Variants in RCAN1 observed in about 807,000 individuals in gnomAD.
RCAN1 encodes the protein regulator of calcineurin 1, also known as calcipressin-1.
In RCAN1, 11 loss-of-function variants were observed where a neutral mutation model predicts 22.9. The observed-to-expected ratio is 0.48, with a 90% CI of 0.30 to 0.79. RCAN1 has a LOEUF of 0.79. RCAN1 is among the 30% of genes least tolerant of loss of function. RCAN1 has a pLI of 0.06. For missense variants in RCAN1, 291 were observed against 337.8 expected (o/e 0.86, Z 1.09); for synonymous variants, 136 against 142.3 (o/e 0.96, Z 0.32).
chr21:34,604,620 T>C (rs890212156), intron 1 of RCAN1, among the ~76,000 whole-genome samples: 1 of 152,234 alleles, frequency 6.6e-6, no homozygotes. Context: ...TAGAATCACA[T>C]TGAAGAAATG....
intron 1 of RCAN1, among the ~76,000 whole-genome samples, chr21:34,570,074 A>C (rs190053482): frequency 1.7e-4 from 26 of 152,370 alleles, no homozygotes; most frequent in Non-Finnish European, 3.1e-4. Context: ...GGGAGGGCCC[A>C]GGCCCAAGCT....
chr21:34,557,995 T>G (rs77101954), intron 1 of RCAN1, among the ~76,000 whole-genome samples: 2 of 152,152 alleles, frequency 1.3e-5, no homozygotes, highest in African/African-American at 4.8e-5. Flanking sequence ...AAAGTGACAA[T>G]GAAATTGTAC....
chr21:34,532,316 G>A (rs1411056155), intron 1 of RCAN1, among the ~76,000 whole-genome samples: 1 of 152,162 alleles, frequency 6.6e-6, no homozygotes, highest in African/African-American at 2.4e-5. Flanking sequence ...CCTAGGAAAA[G>A]GTTCAGAAAC....
At chr21:34,559,258 A>C (rs369037404) in intron 1 of RCAN1, 5 of 152,336 alleles carry the variant, frequency 3.3e-5, no homozygotes, top group East Asian at 1.9e-4. Flanking sequence ...GTTTAATACA[A>C]TCTGTGACTG....
chr21:34,569,158 A>AT (rs1987144767), intron 1 of RCAN1, among the ~76,000 whole-genome samples: 1 of 152,190 alleles, frequency 6.6e-6, no homozygotes, highest in African/African-American at 2.4e-5. Context: ...GAGCCAAACC[A>AT]TATCACTTAG....
At chr21:34,549,491 A>T (rs1986279473) in intron 1 of RCAN1, among the ~76,000 whole-genome samples, 1 of 152,316 alleles carries the variant, frequency 6.6e-6, no homozygotes, top group African/African-American at 2.4e-5. Context: ...AATACCGAGG[A>T]TCCCAAAATG....
Position 34,601,486 on chromosome 21 carries a change from G to T in RCAN1, c.252+13274C>A, listed in dbSNP as rs891771909. Among the ~76,000 whole-genome samples, 5 of 152,154 alleles carry T rather than the reference G, an allele frequency of 3.3e-5. No individual in the cohort carries two copies. In the East Asian group the frequency reaches 9.6e-4, roughly 29 times the overall value. On this transcript the variant is annotated intron_variant, in intron 1 of 3. Transcript: ENST00000313806. Reference sequence around the variant, plus strand: ...GCTGTACATTGATGTAGTTTAACAAGAACAACTCTAAACTAAGGTGGGTGT... The same window carrying T: ...GCTGTACATTGATGTAGTTTAACAATAACAACTCTAAACTAAGGTGGGTGT...
chr21:34,520,423 C>T (rs1400225518), intron 3 of RCAN1, among the ~76,000 whole-genome samples: 1 of 152,170 alleles, frequency 6.6e-6, no homozygotes, highest in Non-Finnish European at 1.5e-5. Context: ...ATGGCCATTT[C>T]TGATCTTGAC....
At chr21:34,524,952 G>A (rs1210882309) in intron 1 of RCAN1, 25 of 1,418,478 alleles carry the variant, frequency 1.8e-5, no homozygotes, top group Non-Finnish European at 2.3e-5. Flanking sequence ...GCCGGGTTTT[G>A]TGAATCTTTT....
At chr21:34,570,998 C>A (rs1987215984) in intron 1 of RCAN1, among the ~76,000 whole-genome samples, 1 of 152,002 alleles carries the variant, frequency 6.6e-6, no homozygotes, top group Admixed American at 6.6e-5. Flanking sequence ...CCTTTATAAA[C>A]AAATGAAACA....
rs551337865 is a variant in RCAN1, at chr21:34,545,047, G to A, written c.253-21337C>T. Among the ~76,000 whole-genome samples, 5 of 152,352 alleles carry A rather than the reference G, an allele frequency of 3.3e-5. No homozygotes were observed. In the East Asian group the frequency reaches 9.6e-4, roughly 29 times the overall value. ...CACCATCAGTGGAGCGAGAGCCTCT[G>A]GGACCACGTCTCCCGAGTCCCATGC... On this transcript the variant is annotated intron_variant, in intron 1 of 3. Coordinates refer to ENST00000313806, the MANE Select transcript of RCAN1 (RefSeq NM_004414.7).
chr21:34,541,674 C>T (rs187070978), intron 1 of RCAN1, among the ~76,000 whole-genome samples: 317 of 152,322 alleles, frequency 2.1e-3, no homozygotes, highest in African/African-American at 7.2e-3. Context: ...ATGGCTCACG[C>T]CTGTAATGCC....
At chr21:34,527,107 T>C (rs1452222148) in intron 1 of RCAN1, 4 of 373,292 alleles carry the variant, frequency 1.1e-5, no homozygotes, top group African/African-American at 2.2e-5. Context: ...TCTTGCAGCA[T>C]AGTTTCCACT....
intron 1 of RCAN1, among the ~76,000 whole-genome samples, chr21:34,543,809 G>A (rs1052374594): frequency 1.3e-5 from 2 of 152,204 alleles, no homozygotes; most frequent in Non-Finnish European, 2.9e-5. Context: ...GGCCTGGGCA[G>A]GAACCCTGGC....
At chr21:34,564,048 G>C (rs1318908637) in intron 1 of RCAN1, among the ~76,000 whole-genome samples, 1 of 152,018 alleles carries the variant, frequency 6.6e-6, no homozygotes, top group Non-Finnish European at 1.5e-5. Context: ...CATGGCTGGG[G>C]AGGCCTCAGG....
At chr21:34,578,416 G>C (rs921648267) in intron 1 of RCAN1, among the ~76,000 whole-genome samples, 2 of 152,156 alleles carry the variant, frequency 1.3e-5, no homozygotes, top group Non-Finnish European at 2.9e-5. Flanking sequence ...CCATCAGCCA[G>C]CATCAGCCAG....
chr21:34,546,847 AAGTATAAGT>A (rs1986164263), intron 1 of RCAN1, among the ~76,000 whole-genome samples: 1 of 152,250 alleles, frequency 6.6e-6, no homozygotes, highest in Admixed American at 6.5e-5. Context: ...GAAACAGGAA[AAGTATAAGT>A]AGCTTGACCC....
chr21:34,558,453 C>G (rs1331559549), intron 1 of RCAN1, among the ~76,000 whole-genome samples: 1 of 152,126 alleles, frequency 6.6e-6, no homozygotes, highest in African/African-American at 2.4e-5. Context: ...TCAAGAAAGG[C>G]TAAGAATCAT....
intron 1 of RCAN1, among the ~76,000 whole-genome samples, chr21:34,585,639 A>G (rs1026196638): frequency 2.8e-5 from 4 of 145,136 alleles, no homozygotes; most frequent in Admixed American, 7.1e-5. Context: ...GCTACTCGGG[A>G]GGCTGAGGCA....
Sources: gnomAD v4.1 joint callset for allele counts (sites outside exome capture counted in the v4.1 genomes callset) on GRCh38, gnomAD v4.1.1 for gene constraint, MANE v1.5 for transcripts, NCBI Gene and HGNC (gene_info 2026-07-23, HGNC 2026-07-21) for gene names.